The following BOD1L1 variants were observed in gnomAD, a reference collection of about 807,000 sequenced individuals.
BOD1L1 encodes the protein biorientation of chromosomes in cell division 1 like 1.
BOD1L1 carries 86 observed loss-of-function variants against 240.7 expected under a neutral mutation model. The ratio of observed to expected loss-of-function variants is 0.36; its 90% CI spans 0.30 to 0.43. The LOEUF is 0.43. Ranked by LOEUF, BOD1L1 falls within the 20% of genes least tolerant of loss-of-function variation. The pLI is 1.00. For synonymous variants in BOD1L1, 1,268 were observed against 1,272.3 expected (o/e 1.00, Z 0.07); for missense variants, 3,554 against 3,643.5 (o/e 0.98, Z 0.63).
In BOD1L1 at chr4:13,625,151, G is replaced by C. The variant is rs75895839; in HGVS notation, c.243+2194C>G. 1.6e-3 allele frequency: 247 copies of C among 152,224 alleles called. 1 individual carries two copies. The highest frequency in any genetic ancestry group is 5.6e-3 in the African/African-American group (233 of 41,544). The allele number at this position is 152,224 out of a possible 1,614,324, so 9.4% of individuals were successfully genotyped here. A position where few individuals can be genotyped will look rare whatever the true frequency, so the allele number is the denominator to read the frequency against. ...AACCTTGTTCATATAAACAAGTACT[G>C]TGCCTCGGAATGGAAGAGTTTTGTT... On this transcript the variant is annotated intron_variant, in intron 1 of 25. Coordinates refer to ENST00000040738, the MANE Select transcript of BOD1L1 (RefSeq NM_148894.3).
chr4:13,620,087 G>A lies in BOD1L1; in HGVS notation c.244-20C>T. ...CGCAGGCTAGAGAGAAAAAAACGAA[G>A]GTAAGTCTTCAAGGTTATACAGTAT... On this transcript the variant is annotated intron_variant, in intron 1 of 25. Coordinates refer to ENST00000040738, the MANE Select transcript of BOD1L1 (RefSeq NM_148894.3). 1 of 1,584,340 alleles carries A rather than the reference G, an allele frequency of 6.3e-7. No individual in the cohort carries two copies.
rs1481973187 is a variant in BOD1L1, at chr4:13,587,750, T to C, written c.8302A>G (p.Met2768Val). 2.6e-6 allele frequency: 4 copies of C among 1,557,890 alleles called. No homozygotes were observed. The highest frequency in any genetic ancestry group is 3.5e-6 in the Non-Finnish European group (4 of 1,148,318). Residue 2768 changes from methionine (M) to valine (V), a missense_variant, in exon 16 of 26, where the codon ATG (methionine) becomes GTG (valine). By Grantham distance (21) the Met-to-Val change is conservative. This residue lies in a region of BOD1L1 where 3,393 missense variants were observed against 3,427.1 expected (regional missense o/e 0.99). Coordinates refer to ENST00000040738, the MANE Select transcript of BOD1L1 (RefSeq NM_148894.3). ...PKEVEEEERH[M>V]PKRKRKQHYL... ...TGCTGCTTTCTTTTTCTTTTAGGCA[T>C]ATGCCTTTCTTCCTCTTCAACCTGG...
At chr4:13,618,824 G>A (rs1397305755) in intron 2 of BOD1L1, among the ~76,000 whole-genome samples, 2 of 149,882 alleles carry the variant, frequency 1.3e-5, no homozygotes, top group African/African-American at 4.9e-5. Context: ...GGGACAAAAG[G>A]AAATTAAGAG....
At position 13,602,454 on chromosome 4, in the gene BOD1L1, T is replaced by G; in HGVS notation, c.4446A>C (p.Val1482=). ...DVERRNENSE[V]DTSAGSGSAP... is the part of the protein sequence containing the mutation. ...CAGAGCCACTTCCAGCACTGGTGTC[T>G]ACCTCACTGTTTTCATTCCTTCTTT... The change falls in exon 10 of 26, where the codon GTA becomes GTC. Residue 1482 remains valine (V), a synonymous_variant. Coordinates refer to ENST00000040738, the MANE Select transcript of BOD1L1 (RefSeq NM_148894.3). 1 of 1,614,038 alleles carries G rather than the reference T, an allele frequency of 6.2e-7. No homozygotes were observed. The highest frequency in any genetic ancestry group is 8.5e-7 in the Non-Finnish European group (1 of 1,179,900).
At chr4:13,625,518 T>G (rs1049503100) in intron 1 of BOD1L1, 1 of 152,180 alleles carries the variant, frequency 6.6e-6, no homozygotes, top group Non-Finnish European at 1.5e-5. Context: ...AATAAAAAAG[T>G]TGAGCCTCAG....
intron 3 of BOD1L1, 23 bp downstream of exon 3, chr4:13,615,289 G>T: frequency 6.3e-7 from 1 of 1,577,894 alleles, no homozygotes; most frequent in South Asian, 1.2e-5. Flanking sequence ...CAATGGAACT[G>T]ACCAAGAGTA....
At chr4:13,578,286 C>T (rs1291375810) in intron 22 of BOD1L1, 2 of 152,136 alleles carry the variant, frequency 1.3e-5, no homozygotes, top group Non-Finnish European at 2.9e-5. Flanking sequence ...ATAAGGAGCC[C>T]ACAATATGTA....
chr4:13,603,085 A>T lies in BOD1L1; in HGVS notation c.3815T>A (p.Leu1272His), dbSNP rs1715358412. 1 of 1,613,916 alleles carries T rather than the reference A, an allele frequency of 6.2e-7. No homozygotes were observed. Among genetic ancestry groups the T allele is most frequent in the Non-Finnish European group, 8.5e-7 (1 of 1,179,888 alleles). Residue 1272 changes from leucine to histidine, a missense_variant, in exon 10 of 26, where the codon CTT (leucine) becomes CAT (histidine). Coordinates refer to ENST00000040738, the MANE Select transcript of BOD1L1 (RefSeq NM_148894.3). ...GGAGTCTAAATTTGTGGAATGTTCAAGAGTGGCATCTCCTTGAGCAACATG... is the reference window on the plus strand; with the variant it reads ...GGAGTCTAAATTTGTGGAATGTTCATGAGTGGCATCTCCTTGAGCAACATG... ...EEHVAQGDAT[L>H]EHSTNLDSSP...
chr4:13,584,417 T>G (rs529508563), intron 17 of BOD1L1, among the ~76,000 whole-genome samples: 2 of 147,972 alleles, frequency 1.4e-5, no homozygotes, highest in East Asian at 2.0e-4. Context: ...TGTGCGTGTG[T>G]GGCGGGGAGA....
rs765246878 is a variant in BOD1L1 at position 13,591,926 on chromosome 4, T to C, written c.8145A>G (p.Leu2715=). 1.3e-6 allele frequency: 2 copies of C among 1,561,770 alleles called. No homozygotes were observed. The highest frequency in any genetic ancestry group is 1.7e-6 in the Non-Finnish European group (2 of 1,153,210). The part of the protein sequence containing the change: ...QREPLLVNES[L]NVENSGFRTN... ...CAAAACCATTACAGTGACTTACATTTAGTGATTCATTCACCAACAAAGGCT... is the reference window on the plus strand; with the variant it reads ...CAAAACCATTACAGTGACTTACATTCAGTGATTCATTCACCAACAAAGGCT... The change falls in exon 13 of 26, where the codon CTA becomes CTG. Residue 2715 remains leucine (L), a synonymous_variant. Transcript: ENST00000040738.
At position 13,595,892 on chromosome 4, in the gene BOD1L1, T is replaced by G. The variant is rs755449351; in HGVS notation, c.8072A>C (p.Glu2691Ala). 7 of 1,613,772 alleles carry G rather than the reference T, an allele frequency of 4.3e-6. No homozygotes were observed. Among genetic ancestry groups the G allele is most frequent in the African/African-American group, 1.3e-5 (1 of 75,000 alleles). ...EKNGEILAPP[E>A]SLCGGKPSGI... ...ACTTGGCTTTCCCCCACACAGACTT[T>G]CTGGTGGTGCCAGAATTTCACCATT... Residue 2691 changes from glutamate to alanine, a missense_variant, in exon 12 of 26, where the codon GAA becomes GCA. Transcript: ENST00000040738.
At chr4:13,626,986 C>G (rs1717443591) in intron 1 of BOD1L1, among the ~76,000 whole-genome samples, 1 of 152,202 alleles carries the variant, frequency 6.6e-6, no homozygotes, top group Non-Finnish European at 1.5e-5. Context: ...GCCCAGAAAC[C>G]TTCAAGAAAG....
intron 25 of BOD1L1, chr4:13,572,557 T>G (rs1249689544): frequency 2.4e-6 from 2 of 841,072 alleles, no homozygotes; most frequent in Admixed American, 6.8e-5. Context: ...TCTGCAGCCC[T>G]TCCTGTTCTT....
chr4:13,573,442 G>GTCTGTCTGTCTATCTATCTATCTA (rs1384944208), intron 25 of BOD1L1, among the ~76,000 whole-genome samples: 29 of 120,856 alleles, frequency 2.4e-4, no homozygotes, highest in South Asian at 1.2e-3. Context: ...CTGTCTGTCT[G>GTCTGTCTGTCTATCTATCTATCTA]TCTATCTATC....
At chr4:13,571,788 A>G (rs1445221312) in intron 25 of BOD1L1, among the ~76,000 whole-genome samples, 1 of 152,210 alleles carries the variant, frequency 6.6e-6, no homozygotes, top group East Asian at 1.9e-4. Flanking sequence ...AGTAGTATGC[A>G]TGGAAACCTT....
rs142422253 is a variant in BOD1L1, at chr4:13,602,403, G to A, written c.4497C>T (p.Asn1499=). The change falls in exon 10 of 26, where the codon AAC becomes AAT. Residue 1499 remains asparagine, a synonymous_variant. Transcript: ENST00000040738. ...GSAPSVLHQR[N]GQTEDVATGP... ...CAGTTGCCACATCCTCAGTTTGTCC[G>A]TTCCTTTGGTGTAAAACAGAGGGTG... 0.013 allele frequency: 21,013 copies of A among 1,613,844 alleles called. 189 individuals are homozygous for A. Among genetic ancestry groups the A allele is most frequent in the Non-Finnish European group, 0.014 (16,976 of 1,179,838 alleles).
chr4:13,604,156 T>A lies in BOD1L1; in HGVS notation c.2744A>T (p.Lys915Ile), dbSNP rs189945761. The A allele has an allele frequency of 5.7e-5, 92 of 1,613,092 alleles. No homozygotes were observed. The Admixed American group carries it at 6.3e-4, about 11-fold the overall frequency. The part of the protein sequence containing the change: ...EEKLVLKSKS[K>I]TQGKQVKVVE... ...AACTTTTACCTGTTTGCCTTGAGTT[T>A]TTGATTTAGACTTCAACACAAGTTT... The change falls in exon 10 of 26, where the codon AAA becomes ATA. Residue 915 changes from lysine to isoleucine, a missense_variant. Physicochemically the swap from Lys to Ile is moderately radical, Grantham distance 102 (BLOSUM62 -3). Coordinates refer to ENST00000040738, the MANE Select transcript of BOD1L1 (RefSeq NM_148894.3).
chr4:13,576,180 G>GT (rs1712721155), intron 25 of BOD1L1, among the ~76,000 whole-genome samples: 1 of 151,576 alleles, frequency 6.6e-6, no homozygotes, highest in South Asian at 2.1e-4. Flanking sequence ...GATTACAGGC[G>GT]TGAGTCACCG....
At chr4:13,576,726 T>C in intron 25 of BOD1L1, 112 bp downstream of exon 25, 1 of 1,342,238 alleles carries the variant, frequency 7.5e-7, no homozygotes, top group South Asian at 1.6e-5. Context: ...AGGGAAGAAC[T>C]TCCACTGCAG....
Sources: allele counts gnomAD v4.1 joint callset (sites outside exome capture counted in the v4.1 genomes callset), GRCh38; gene constraint gnomAD v4.1.1; regional missense constraint gnomAD v4.1.1; transcripts MANE v1.5; gene names NCBI Gene and HGNC (gene_info 2026-07-23, HGNC 2026-07-21).